Variants in FRMD4A observed in about 807,000 individuals in gnomAD.
The protein encoded by FRMD4A is FERM domain-containing protein 4A.
Under a neutral mutation model 129.1 loss-of-function variants are expected in FRMD4A, and 29 were observed. That is an observed-to-expected ratio of 0.22 (90% CI 0.17 to 0.31). The LOEUF is 0.31. Among genes scored for constraint, FRMD4A ranks in the 10% least tolerant of loss-of-function variants. FRMD4A has a pLI of 1.00. For synonymous variants in FRMD4A, 634 were observed against 571.6 expected (o/e 1.11, Z -1.56); for missense variants, 1,272 against 1,375.8 (o/e 0.92, Z 1.19).
chr10:13,903,571 A>T (rs11258716), intron 2 of FRMD4A, among the ~76,000 whole-genome samples: 5,378 of 151,100 alleles, frequency 0.036, 226 homozygotes, highest in East Asian at 0.15. Flanking sequence ...TCTACAAAAA[A>T]TGTTTTTAAA....
intron 2 of FRMD4A, among the ~76,000 whole-genome samples, chr10:14,009,158 A>G (rs1024387985): frequency 6.6e-6 from 1 of 152,184 alleles, no homozygotes; most frequent in Non-Finnish European, 1.5e-5. Context: ...TCTTTGATGG[A>G]TGGCATAAAT....
rs2092769351 is a variant in FRMD4A, at chr10:13,782,778, A to G, written c.384+144T>C. 3 of 649,852 alleles carry G rather than the reference A, an allele frequency of 4.6e-6. No homozygotes were observed. The Admixed American group carries it at 6.9e-5, about 15-fold the overall frequency. The allele number at this position is 649,852 out of a possible 1,614,324, so 40.3% of individuals were successfully genotyped here. ...TATTAAATGGTGCCGTTAGCTTCAT[A>G]ACATTCCATTTATTTATAGTAATTA... On this transcript the variant is annotated intron_variant, in intron 6 of 24. Coordinates refer to ENST00000357447, the MANE Select transcript of FRMD4A (RefSeq NM_018027.5).
chr10:14,255,464 A>G (rs1844575782), intron 2 of FRMD4A, among the ~76,000 whole-genome samples: 1 of 152,198 alleles, frequency 6.6e-6, no homozygotes, highest in South Asian at 2.1e-4. Flanking sequence ...GGGACACAAG[A>G]AGAGCCCTGG....
At chr10:14,019,831 G>C (rs1050894161) in intron 2 of FRMD4A, among the ~76,000 whole-genome samples, 3 of 152,166 alleles carry the variant, frequency 2.0e-5, no homozygotes, top group Non-Finnish European at 4.4e-5. Flanking sequence ...GGACAGATTT[G>C]AGTCTGATAC....
rs150936823 is a variant in FRMD4A, at chr10:13,757,892, C to A, written c.464+3755G>T. Among the ~76,000 whole-genome samples, 415 of 152,242 alleles carry A rather than the reference C, an allele frequency of 2.7e-3. 4 individuals are homozygous for A. The highest frequency in any genetic ancestry group is 8.9e-3 in the African/African-American group (369 of 41,538). On this transcript the variant is annotated intron_variant, in intron 8 of 24. Transcript: ENST00000357447. The stretch of plus-strand genomic sequence containing the variant: ...CCGAGTATCTGGGATTACAGGCGCA[C>A]ACCACCACACCTGGCTAATTTTTGT...
intron 2 of FRMD4A, among the ~76,000 whole-genome samples, chr10:13,892,685 T>C (rs998550558): frequency 5.9e-5 from 9 of 152,166 alleles, no homozygotes; most frequent in Admixed American, 3.9e-4. Context: ...AAAGTCTTTC[T>C]CTAGAATTTC....
chr10:14,070,644 T>C (rs4750460), intron 2 of FRMD4A, among the ~76,000 whole-genome samples: 8,874 of 152,272 alleles, frequency 0.058, 383 homozygotes, highest in East Asian at 0.21. Context: ...TGGTCTGTTA[T>C]CTATGTTGTA....
rs572696080 is a variant in FRMD4A, at chr10:13,905,414, T to C, written c.46-46502A>G. On this transcript the variant is annotated intron_variant, in intron 2 of 24. Coordinates refer to ENST00000357447, the MANE Select transcript of FRMD4A (RefSeq NM_018027.5). ...GTTTTGGGAAGGTAGGCACAGATTT[T>C]TTCTCAAAAGTGAAATCAAGTTCTC... 2.3e-4 allele frequency among the ~76,000 whole-genome samples: 35 copies of C among 152,326 alleles called. 1 individual carries two copies. In the East Asian group the frequency reaches 6.4e-3, roughly 28 times the overall value.
chr10:14,103,103 C>A (rs1837397008), intron 2 of FRMD4A, among the ~76,000 whole-genome samples: 1 of 152,218 alleles, frequency 6.6e-6, no homozygotes, highest in South Asian at 2.1e-4. Context: ...AATCTCATAA[C>A]AGAAGCCTCT....
chr10:13,811,214 C>A (rs2093439155), intron 3 of FRMD4A, among the ~76,000 whole-genome samples: 1 of 150,162 alleles, frequency 6.7e-6, no homozygotes, highest in African/African-American at 2.4e-5. Flanking sequence ...TCGCTCACTG[C>A]AACCTCTGCC....
intron 2 of FRMD4A, among the ~76,000 whole-genome samples, chr10:14,076,209 T>C (rs1432729199): frequency 2.0e-5 from 3 of 152,208 alleles, no homozygotes; most frequent in Non-Finnish European, 4.4e-5. Flanking sequence ...CCCACCTGCC[T>C]TTCCCATGTT....
At chr10:14,306,463 G>A (rs1846355819) in intron 2 of FRMD4A, among the ~76,000 whole-genome samples, 2 of 152,196 alleles carry the variant, frequency 1.3e-5, no homozygotes, top group African/African-American at 4.8e-5. Flanking sequence ...AAACAGCTGA[G>A]CAAACTGAGA....
intron 2 of FRMD4A, among the ~76,000 whole-genome samples, chr10:14,073,684 T>C (rs1835422700): frequency 6.6e-6 from 1 of 152,162 alleles, no homozygotes; most frequent in Non-Finnish European, 1.5e-5. Flanking sequence ...GGGGTATGAA[T>C]GTGTCGTGTT....
At chr10:13,814,372 T>C (rs1234704246) in intron 3 of FRMD4A, among the ~76,000 whole-genome samples, 1 of 151,796 alleles carries the variant, frequency 6.6e-6, no homozygotes, top group East Asian at 1.9e-4. Context: ...AGGAGGATCC[T>C]TTAAGCCCAG....
intron 6 of FRMD4A, among the ~76,000 whole-genome samples, chr10:13,763,609 A>AG (rs1245326673): frequency 1.3e-5 from 2 of 152,316 alleles, no homozygotes; most frequent in East Asian, 3.9e-4. Flanking sequence ...ATTGTGATCT[A>AG]GGGACGTGGT....
chr10:14,287,578 C>G (rs1016549263), intron 2 of FRMD4A, among the ~76,000 whole-genome samples: 1 of 152,150 alleles, frequency 6.6e-6, no homozygotes, highest in Non-Finnish European at 1.5e-5. Context: ...AGACTGCACC[C>G]AACGACTTCT....
chr10:13,993,707 T>C (rs961129334), intron 2 of FRMD4A, among the ~76,000 whole-genome samples: 1 of 152,218 alleles, frequency 6.6e-6, no homozygotes, highest in African/African-American at 2.4e-5. Flanking sequence ...TCTGAAGTTG[T>C]TGTCCTATTG....
At chr10:14,237,063 G>A (rs150109960) in intron 2 of FRMD4A, among the ~76,000 whole-genome samples, 55 of 151,174 alleles carry the variant, frequency 3.6e-4, no homozygotes, top group African/African-American at 1.3e-3. Flanking sequence ...GATAGAGATG[G>A]GGTCTTGCTA....
At chr10:13,997,377 GT>G (rs913453886) in intron 2 of FRMD4A, among the ~76,000 whole-genome samples, 6 of 152,256 alleles carry the variant, frequency 3.9e-5, no homozygotes, top group African/African-American at 7.2e-5. Flanking sequence ...CTTAGGGTGA[GT>G]AAAAATTGTT....
Sources: allele counts gnomAD v4.1 joint callset (sites outside exome capture counted in the v4.1 genomes callset), GRCh38; gene constraint gnomAD v4.1.1; transcripts MANE v1.5; gene names NCBI Gene and HGNC (gene_info 2026-07-23, HGNC 2026-07-21).